The following TTC23 variants were observed in gnomAD, a reference collection of about 807,000 sequenced individuals.
The protein encoded by TTC23 is tetratricopeptide repeat protein 23.
A neutral mutation model predicts 55.1 loss-of-function variants in TTC23; 58 were observed. The ratio of observed to expected loss-of-function variants is 1.05; its 90% CI spans 0.85 to 1.31. TTC23 has a LOEUF of 1.31. Among genes scored for constraint, TTC23 ranks in the 50% most tolerant of loss-of-function variants. TTC23 has a pLI of 0.00. For missense variants in TTC23, 516 were observed against 534.4 expected, an observed-to-expected ratio of 0.97 and a Z score of 0.34; for synonymous variants, 203 against 199.9, an observed-to-expected ratio of 1.02 and a Z score of -0.13.
At chr15:99,244,624 TC>T (rs2080083818) in intron 2 of TTC23, among the ~76,000 whole-genome samples, 1 of 152,134 alleles carries the variant, frequency 6.6e-6, no homozygotes, top group Non-Finnish European at 1.5e-5. Context: ...TCATACATTA[TC>T]GAAAGAAATT....
At chr15:99,167,617 G>A (rs1196063460) in intron 10 of TTC23, among the ~76,000 whole-genome samples, 1 of 152,140 alleles carries the variant, frequency 6.6e-6, no homozygotes, top group African/African-American at 2.4e-5. Flanking sequence ...GTGTAGAGAT[G>A]TACGTATACA....
At chr15:99,230,192 G>A (rs1442363152) in intron 4 of TTC23, among the ~76,000 whole-genome samples, 1 of 151,942 alleles carries the variant, frequency 6.6e-6, no homozygotes, top group African/African-American at 2.4e-5. Context: ...ATAAAGACAT[G>A]GAAGAAATAA....
intron 2 of TTC23, among the ~76,000 whole-genome samples, chr15:99,245,141 T>C (rs1456166687): frequency 1.3e-5 from 2 of 152,186 alleles, no homozygotes; most frequent in African/African-American, 4.8e-5. Context: ...GTATATAATT[T>C]TTAGTTTGTC....
chr15:99,232,839 T>C (rs1322842907), intron 4 of TTC23, among the ~76,000 whole-genome samples: 1 of 152,238 alleles, frequency 6.6e-6, no homozygotes, highest in Non-Finnish European at 1.5e-5. Context: ...CTGCACTCCA[T>C]GTTCATTGCA....
upstream of TTC23, chr15:99,249,885 A>G (rs2080575683): frequency 6.6e-6 from 1 of 152,164 alleles, no homozygotes; most frequent in Admixed American, 6.5e-5. Flanking sequence ...ATCAAATATA[A>G]TCACTTGGTA....
chr15:99,155,529 C>T (rs782245215), intron 12 of TTC23: 1 of 152,202 alleles, frequency 6.6e-6, no homozygotes, highest in Non-Finnish European at 1.5e-5. Flanking sequence ...GTGTCTACTC[C>T]TATCACATAT....
rs1208227515 is a variant in TTC23, at chr15:99,146,698, T to A, written c.1144-7299A>T. On this transcript the variant is annotated intron_variant, in intron 12 of 13. Coordinates refer to ENST00000394132, the MANE Select transcript of TTC23 (RefSeq NM_001288615.3). ...TTGAGGAGCTTTTCCACAGCAAATG[T>A]AGCCTTGTCAGTGGGCAGTCTGTGT... 2.0e-5 allele frequency among the ~76,000 whole-genome samples: 3 copies of A among 152,238 alleles called. No homozygotes were observed. In the East Asian group the frequency reaches 5.8e-4, roughly 29 times the overall value.
In TTC23 at chr15:99,139,691, C is replaced by T. The variant is rs547846389; in HGVS notation, c.1144-292G>A. 2.8e-5 allele frequency: 39 copies of T among 1,383,296 alleles called. No individual in the cohort carries two copies. The East Asian group carries it at 1.4e-3, about 50-fold the overall frequency. 85.7% of individuals were successfully genotyped at this position (1,383,296 alleles called of 1,614,324 possible). A position where few individuals can be genotyped will look rare whatever the true frequency, so the allele number is the denominator to read the frequency against. On this transcript the variant is annotated intron_variant, in intron 12 of 13. Transcript: ENST00000394132. ...AAAAATAAAGGCAAGAACCTTGGTA[C>T]TGACCAGAGGATGGGCTCCAGTTTC...
chr15:99,218,558 T>C lies in TTC23; in HGVS notation c.581+30A>G, dbSNP rs115374662. 2,423 of 1,613,748 alleles carry C rather than the reference T, an allele frequency of 1.5e-3. 27 individuals are homozygous for C. In the African/African-American group the frequency reaches 0.028, roughly 19 times the overall value. ...ACAGGCAAAGAGCCTCCCGCCATCA[T>C]GTATGCAAAATCCTAAACTTGAAAC... On this transcript the variant is annotated intron_variant, in intron 8 of 13. Coordinates refer to ENST00000394132, the MANE Select transcript of TTC23 (RefSeq NM_001288615.3).
intron 3 of TTC23, among the ~76,000 whole-genome samples, chr15:99,235,625 C>A (rs1391170748): frequency 6.6e-6 from 1 of 152,180 alleles, no homozygotes; most frequent in Non-Finnish European, 1.5e-5. Context: ...CTGCCTTGGC[C>A]TCCCAAAGTG....
At chr15:99,158,819 GC>G (rs1257188114) in intron 11 of TTC23, 1 of 152,450 alleles carries the variant, frequency 6.6e-6, no homozygotes, top group African/African-American at 2.4e-5. Context: ...CTGTCCCTGG[GC>G]CCGGCCCTTG....
chr15:99,193,101 C>G (rs2075379678), intron 9 of TTC23, among the ~76,000 whole-genome samples: 1 of 152,150 alleles, frequency 6.6e-6, no homozygotes, highest in African/African-American at 2.4e-5. Flanking sequence ...TATCTAGAAA[C>G]CACTTGCTTT....
chr15:99,142,702 A>T (rs2068376924), intron 12 of TTC23, among the ~76,000 whole-genome samples: 1 of 152,202 alleles, frequency 6.6e-6, no homozygotes, highest in African/African-American at 2.4e-5. Flanking sequence ...ATTGGTGAAT[A>T]TGCACGAATC....
At position 99,156,286 on chromosome 15, in the gene TTC23, C is replaced by T. The variant is rs547786597; in HGVS notation, c.1005G>A (p.Ser335=). 55 of 1,613,992 alleles carry T rather than the reference C, an allele frequency of 3.4e-5. No homozygotes were observed. The Middle Eastern group carries it at 4.9e-4, about 14-fold the overall frequency. Residue 335 remains serine, a synonymous_variant, in exon 12 of 14, where the codon TCG becomes TCA. Transcript: ENST00000394132. ...QMTGQKERAT[S]ILRESLEAKV... ...TGGCTTCCAGGGACTCTCTCAGGAT[C>T]GAGGTTGCTCTCTGTGAAAGGAACA...
At chr15:99,230,624 A>G (rs925495956) in intron 4 of TTC23, among the ~76,000 whole-genome samples, 2 of 152,182 alleles carry the variant, frequency 1.3e-5, no homozygotes, top group African/African-American at 4.8e-5. Flanking sequence ...AAAAAGACAC[A>G]TTACGTATAA....
intron 2 of TTC23, among the ~76,000 whole-genome samples, chr15:99,241,874 C>T (rs1457088089): frequency 6.6e-6 from 1 of 152,156 alleles, no homozygotes; most frequent in Non-Finnish European, 1.5e-5. Flanking sequence ...GTGGCTCATG[C>T]CTGTAATATC....
At chr15:99,167,521 G>A (rs1315384449) in intron 10 of TTC23, among the ~76,000 whole-genome samples, 7 of 152,152 alleles carry the variant, frequency 4.6e-5, no homozygotes, top group African/African-American at 1.4e-4. Context: ...GGTGTGGCTC[G>A]GTGAGCAGGG....
At chr15:99,231,779 A>C (rs1350145092) in intron 4 of TTC23, among the ~76,000 whole-genome samples, 1 of 150,792 alleles carries the variant, frequency 6.6e-6, no homozygotes, top group Non-Finnish European at 1.5e-5. Context: ...GGCATTAGCC[A>C]CTGCGCCTGG....
chr15:99,202,234 C>T (rs2076257513), intron 8 of TTC23, among the ~76,000 whole-genome samples: 1 of 152,008 alleles, frequency 6.6e-6, no homozygotes, highest in South Asian at 2.1e-4. Flanking sequence ...TTTTTTCCAC[C>T]TAATTTAGCC....
Sources: allele counts gnomAD v4.1 joint callset (sites outside exome capture counted in the v4.1 genomes callset), GRCh38; gene constraint gnomAD v4.1.1; transcripts MANE v1.5; gene names NCBI Gene and HGNC (gene_info 2026-07-23, HGNC 2026-07-21).